Variants in TLL2 observed in about 807,000 individuals in gnomAD.
TLL2 encodes tolloid-like protein 2.
A neutral mutation model predicts 123.0 loss-of-function variants in TLL2; 106 were observed. That is an observed-to-expected ratio of 0.86 (90% CI 0.74 to 1.01). TLL2 has a LOEUF of 1.01. TLL2 is among the 50% of genes least tolerant of loss of function. TLL2 has a pLI of 0.00. For synonymous variants in TLL2, 494 were observed against 516.8 expected, an observed-to-expected ratio of 0.96 and a Z score of 0.60; for missense variants, 1,332 against 1,336.7, an observed-to-expected ratio of 1.00 and a Z score of 0.06.
At chr10:96,493,747 C>G (rs998353599) in intron 1 of TLL2, among the ~76,000 whole-genome samples, 1 of 152,120 alleles carries the variant, frequency 6.6e-6, no homozygotes, top group Non-Finnish European at 1.5e-5. Context: ...TGCAAACACC[C>G]CCCACACCCA....
Position 96,367,426 on chromosome 10 carries a change from G to A in TLL2, c.*662C>T, listed in dbSNP as rs149093975. On this transcript the variant is annotated 3_prime_UTR_variant, in exon 21 of 21. Transcript: ENST00000357947. ...CTTAGCCCCCACTGCAATTAGGGAG[G>A]GGGGGAAACCAAAGGGACAAGGAGA... 2 of 152,376 alleles carry A rather than the reference G, an allele frequency of 1.3e-5. No individual in the cohort carries two copies. Among genetic ancestry groups the A allele is most frequent in the South Asian group, 2.1e-4 (1 of 4,826 alleles). 9.4% of individuals were successfully genotyped at this position (152,376 alleles called of 1,614,324 possible).
At chr10:96,399,998 C>A (rs1846378238) in intron 10 of TLL2, among the ~76,000 whole-genome samples, 1 of 152,206 alleles carries the variant, frequency 6.6e-6, no homozygotes, top group Non-Finnish European at 1.5e-5. Flanking sequence ...GAACAAATTA[C>A]AAATTATTCC....
intron 1 of TLL2, among the ~76,000 whole-genome samples, chr10:96,500,555 A>AAT (rs1847524427): frequency 6.6e-6 from 1 of 152,224 alleles, no homozygotes; most frequent in Non-Finnish European, 1.5e-5. Context: ...GCACATTGGG[A>AAT]GGCCAAGGCG....
chr10:96,502,372 C>A (rs1320109634), intron 1 of TLL2, among the ~76,000 whole-genome samples: 2 of 152,200 alleles, frequency 1.3e-5, no homozygotes, highest in Non-Finnish European at 2.9e-5. Flanking sequence ...ATGTGGAAAA[C>A]AGATTTTGGG....
intron 1 of TLL2, among the ~76,000 whole-genome samples, chr10:96,491,738 T>C (rs1403132192): frequency 6.6e-6 from 1 of 152,186 alleles, no homozygotes. Context: ...AACAATTGGC[T>C]GGGGTAGGGG....
At chr10:96,430,487 T>C (rs1172039090) in intron 4 of TLL2, among the ~76,000 whole-genome samples, 2 of 152,184 alleles carry the variant, frequency 1.3e-5, no homozygotes, top group Non-Finnish European at 2.9e-5. Context: ...GCAACACAAA[T>C]GGACTAGCAC....
At position 96,513,854 on chromosome 10, in the gene TLL2, T is replaced by C; in HGVS notation, c.-169A>G. 2 of 696,874 alleles carry C rather than the reference T, an allele frequency of 2.9e-6. No individual in the cohort carries two copies. Among genetic ancestry groups the C allele is most frequent in the South Asian group, 5.6e-5 (2 of 35,638 alleles). The allele number at this position is 696,874 out of a possible 1,614,324, so 43.2% of individuals were successfully genotyped here. A position where few individuals can be genotyped will look rare whatever the true frequency, so the allele number is the denominator to read the frequency against. ...AAGCGGAGCGCGGCGCCCCCTGTCTTCGTCGAGGCAACCGGGAAGCAGCCG... is the reference window on the plus strand; with the variant it reads ...AAGCGGAGCGCGGCGCCCCCTGTCTCCGTCGAGGCAACCGGGAAGCAGCCG... On this transcript the variant is annotated 5_prime_UTR_variant, in exon 1 of 21. Coordinates refer to ENST00000357947, the MANE Select transcript of TLL2 (RefSeq NM_012465.4).
At chr10:96,384,543 C>T (rs771016772) in intron 16 of TLL2, 44 bp downstream of exon 16, 13 of 1,486,250 alleles carry the variant, frequency 8.7e-6, no homozygotes, top group Non-Finnish European at 1.1e-5. Flanking sequence ...TCTGCAAAGC[C>T]GCCTCACTCG....
At chr10:96,503,734 A>C (rs1289172541) in intron 1 of TLL2, among the ~76,000 whole-genome samples, 1 of 152,192 alleles carries the variant, frequency 6.6e-6, no homozygotes, top group Non-Finnish European at 1.5e-5. Flanking sequence ...GGTATTATTC[A>C]TTTATTCTTC....
rs772982481 is a variant in TLL2, at chr10:96,395,895, G to A, written c.1510C>T (p.Leu504Phe). 6.2e-7 allele frequency: 1 copy of A among 1,614,232 alleles called. No individual in the cohort carries two copies. The highest frequency in any genetic ancestry group is 1.3e-5 in the African/African-American group (1 of 75,060). ...ITVSEGFHVG[L>F]TFQAFEIERH... is the part of the protein sequence containing the mutation. ...CTCACCTCAAAAGCTTGGAAGGTAA[G>A]TCCCACGTGAAACCCCTCTGAAACC... Residue 504 changes from leucine to phenylalanine, a missense_variant, in exon 12 of 21, where the codon CTT becomes TTT. Transcript: ENST00000357947.
At chr10:96,400,962 C>T (rs1020854621) in intron 10 of TLL2, among the ~76,000 whole-genome samples, 5 of 152,290 alleles carry the variant, frequency 3.3e-5, no homozygotes, top group African/African-American at 1.2e-4. Flanking sequence ...TGACTTTTCC[C>T]TTTAATCACT....
intron 2 of TLL2, among the ~76,000 whole-genome samples, chr10:96,455,920 G>C (rs1847011342): frequency 6.6e-6 from 1 of 152,174 alleles, no homozygotes; most frequent in South Asian, 2.1e-4. Flanking sequence ...TAACATAATG[G>C]CTTCCAAATT....
chr10:96,382,080 T>A (rs1846190712), intron 16 of TLL2, among the ~76,000 whole-genome samples: 1 of 152,212 alleles, frequency 6.6e-6, no homozygotes, highest in Non-Finnish European at 1.5e-5. Context: ...CTTTCTTTTT[T>A]TTTTTGAGAC....
At chr10:96,445,331 G>A (rs539709461) in intron 3 of TLL2, among the ~76,000 whole-genome samples, 218 of 152,338 alleles carry the variant, frequency 1.4e-3, no homozygotes, top group African/African-American at 5.0e-3. Flanking sequence ...TTCTGAACAG[G>A]AGAAGCTTCT....
At chr10:96,504,869 G>A (rs1055504869) in intron 1 of TLL2, among the ~76,000 whole-genome samples, 31 of 152,166 alleles carry the variant, frequency 2.0e-4, no homozygotes, top group African/African-American at 5.8e-4. Context: ...TTAGCCAGGC[G>A]TGGTGGCGGG....
intron 15 of TLL2, among the ~76,000 whole-genome samples, chr10:96,385,670 C>T (rs1191113866): frequency 6.6e-6 from 1 of 152,164 alleles, no homozygotes; most frequent in Non-Finnish European, 1.5e-5. Context: ...TGATCACTGC[C>T]CGAAAGAGGA....
At chr10:96,473,954 G>A (rs1308354515) in intron 2 of TLL2, among the ~76,000 whole-genome samples, 1 of 152,152 alleles carries the variant, frequency 6.6e-6, no homozygotes, top group African/African-American at 2.4e-5. Flanking sequence ...AGCCACTCTC[G>A]TATCGAAAAG....
chr10:96,491,396 A>G (rs1372990895), intron 1 of TLL2, among the ~76,000 whole-genome samples: 3 of 139,048 alleles, frequency 2.2e-5, no homozygotes, highest in Admixed American at 7.1e-5. Flanking sequence ...AAAAAAAAAA[A>G]AAGAAAAGAA....
chr10:96,473,270 C>G lies in TLL2; in HGVS notation c.286+7079G>C, dbSNP rs112973043. 9.2e-3 allele frequency among the ~76,000 whole-genome samples: 1,397 copies of G among 152,162 alleles called. 18 individuals carry two copies. The highest frequency in any genetic ancestry group is 0.031 in the African/African-American group (1,273 of 41,512). Reference sequence around the variant, plus strand: ...AGGAGTTCGAGACCAGCCTGGCCAACGTGGTGAAACCCTGTCTCTACTAAA... The same window carrying G: ...AGGAGTTCGAGACCAGCCTGGCCAAGGTGGTGAAACCCTGTCTCTACTAAA... On this transcript the variant is annotated intron_variant, in intron 2 of 20. Transcript: ENST00000357947.
Sources: allele counts gnomAD v4.1 joint callset (sites outside exome capture counted in the v4.1 genomes callset), GRCh38; gene constraint gnomAD v4.1.1; transcripts MANE v1.5; gene names NCBI Gene and HGNC (gene_info 2026-07-23, HGNC 2026-07-21).